GFRAL: variants seen among roughly 807,000 people sequenced by gnomAD.
GFRAL encodes GDNF family receptor alpha-like.
Under a neutral mutation model 45.4 loss-of-function variants are expected in GFRAL, and 36 were observed. The ratio of observed to expected loss-of-function variants is 0.79; its 90% confidence interval spans 0.61 to 1.05. The LOEUF (loss-of-function observed/expected upper bound fraction) is 1.05, where lower values mean the gene tolerates loss of function less well. GFRAL is among the 50% of genes least tolerant of loss of function. The pLI, the probability that GFRAL is intolerant of heterozygous loss-of-function variation, is 0.00. For synonymous variants in GFRAL, 166 were observed against 154.1 expected (o/e 1.08, Z -0.57); for missense variants, 507 against 467.5 (o/e 1.08, Z -0.78).
rs70986715 is a variant in GFRAL at position 55,397,524 on chromosome 6, CAAAAAAAAAA to C, written c.953-1639_953-1630del. Among the ~76,000 whole-genome samples, 16 of 67,422 alleles carry C rather than the reference CAAAAAAAAAA, an allele frequency of 2.4e-4. 1 individual carries two copies. Among genetic ancestry groups the C allele is most frequent in the African/African-American group, 8.2e-4 (15 of 18,248 alleles). The allele number at this position is 67,422 out of a possible 152,430, so 44.2% of individuals were successfully genotyped here. On this transcript the variant is annotated intron_variant, in intron 6 of 8. Transcript: ENST00000340465. ...TGGGCGACAGAGCGAGACTCCGTCT[CAAAAAAAAAA>C]AAAAAAAAAAAAAAAATGCCTTAAC...
At chr6:55,361,493 A>G (rs567302402) in intron 6 of GFRAL, among the ~76,000 whole-genome samples, 1 of 152,102 alleles carries the variant, frequency 6.6e-6, no homozygotes, top group South Asian at 2.1e-4. Flanking sequence ...TTATATTCAT[A>G]TTATATTTTA....
At chr6:55,374,346 T>C (rs1199032596) in intron 6 of GFRAL, among the ~76,000 whole-genome samples, 1 of 151,980 alleles carries the variant, frequency 6.6e-6, no homozygotes, top group East Asian at 1.9e-4. Context: ...AATGGTCGCA[T>C]GTTAGTTTTG....
intron 6 of GFRAL, among the ~76,000 whole-genome samples, chr6:55,380,759 A>G (rs1277895402): frequency 6.6e-6 from 1 of 151,998 alleles, no homozygotes; most frequent in African/African-American, 2.4e-5. Flanking sequence ...CCACTCAATA[A>G]GTAGTGAATG....
intron 6 of GFRAL, among the ~76,000 whole-genome samples, chr6:55,366,277 G>A (rs150490054): frequency 0.11 from 17,037 of 150,498 alleles, 1,042 homozygotes; most frequent in African/African-American, 0.16. Context: ...CTATGGGATC[G>A]GTAGTGACAT....
intron 8 of GFRAL, 104 bp downstream of exon 8, chr6:55,399,545 G>T (rs901285199): frequency 6.3e-6 from 5 of 795,990 alleles, no homozygotes; most frequent in African/African-American, 3.4e-5. Context: ...GAGAATGAAA[G>T]CTTCTCTGTT....
intron 6 of GFRAL, among the ~76,000 whole-genome samples, chr6:55,375,492 GA>G (rs1436724983): frequency 2.0e-5 from 3 of 152,104 alleles, no homozygotes; most frequent in Non-Finnish European, 4.4e-5. Flanking sequence ...AGACTTTGCT[GA>G]AGTTGCTTAT....
intron 5 of GFRAL, among the ~76,000 whole-genome samples, chr6:55,354,524 C>T (rs1050995746): frequency 1.3e-5 from 2 of 151,970 alleles, no homozygotes; most frequent in African/African-American, 2.4e-5. Flanking sequence ...TTTCCTTTCA[C>T]TATGTGCAAA....
chr6:55,380,790 A>G (rs1291916203), intron 6 of GFRAL, among the ~76,000 whole-genome samples: 1 of 152,134 alleles, frequency 6.6e-6, no homozygotes, highest in East Asian at 1.9e-4. Flanking sequence ...TAAATGAATG[A>G]AAGTCAACCA....
chr6:55,361,030 C>A (rs774351134), intron 6 of GFRAL, among the ~76,000 whole-genome samples: 1 of 151,898 alleles, frequency 6.6e-6, no homozygotes, highest in African/African-American at 2.4e-5. Context: ...CTTACTATAA[C>A]CTTTTCAGAG....
chr6:55,381,802 AG>A (rs1768611218), intron 6 of GFRAL, among the ~76,000 whole-genome samples: 1 of 151,964 alleles, frequency 6.6e-6, no homozygotes, highest in Admixed American at 6.6e-5. Flanking sequence ...GAATTGTGAA[AG>A]ACATTTCCCC....
chr6:55,399,861 A>G (rs1768873233), intron 8 of GFRAL, among the ~76,000 whole-genome samples: 1 of 152,142 alleles, frequency 6.6e-6, no homozygotes, highest in Admixed American at 6.5e-5. Context: ...TCACTCTAAT[A>G]TCTTATATGC....
intron 6 of GFRAL, among the ~76,000 whole-genome samples, chr6:55,375,140 T>G (rs150036714): frequency 0.015 from 2,317 of 152,222 alleles, 33 homozygotes; most frequent in Non-Finnish European, 0.025. Flanking sequence ...TTTAAATAGC[T>G]TTTTTCTAAT....
At chr6:55,400,061 A>AG (rs1339960830) in intron 8 of GFRAL, among the ~76,000 whole-genome samples, 1 of 152,096 alleles carries the variant, frequency 6.6e-6, no homozygotes, top group Admixed American at 6.5e-5. Context: ...ATATACATCA[A>AG]CCTCTAGATT....
At chr6:55,340,054 G>C (rs1767941279) in intron 3 of GFRAL, among the ~76,000 whole-genome samples, 2 of 152,116 alleles carry the variant, frequency 1.3e-5, no homozygotes, top group South Asian at 2.1e-4. Flanking sequence ...TATTCCCGAT[G>C]GACTTCGTAA....
chr6:55,363,095 T>G (rs967494564), intron 6 of GFRAL, among the ~76,000 whole-genome samples: 2 of 150,120 alleles, frequency 1.3e-5, no homozygotes, highest in Non-Finnish European at 3.0e-5. Flanking sequence ...AAACCTCTGT[T>G]TAGTAAATTC....
Position 55,399,194 on chromosome 6 carries a change from TC to T in GFRAL, c.968del (p.Ser323LeufsTer19). Reference sequence around the variant, plus strand: ...TTTTCTTTCAGATTATCCAACCCTGTCTAATGTCAAAGGCATGGCATTGTAT... The same window carrying T: ...TTTTCTTTCAGATTATCCAACCCTGTTAATGTCAAAGGCATGGCATTGTAT... ...RKSCFNYPTLSNVKGMALYTR... is the reference protein window; with the variant it reads ...RKSCFNYPTLXNVKGMALYTR... On this transcript the variant is annotated frameshift_variant, in exon 7 of 9. Coordinates refer to ENST00000340465, the MANE Select transcript of GFRAL (RefSeq NM_207410.2). LOFTEE classifies it high-confidence loss of function. 6.3e-7 allele frequency: 1 copy of T among 1,581,562 alleles called. No individual in the cohort carries two copies. The highest frequency in any genetic ancestry group is 1.4e-5 in the African/African-American group (1 of 73,966).
rs191123582 is a variant in GFRAL, at chr6:55,401,112, G to A, written c.1122-678G>A. 7.6e-4 allele frequency among the ~76,000 whole-genome samples: 116 copies of A among 152,084 alleles called. 1 individual carries two copies. Among genetic ancestry groups the A allele is most frequent in the Middle Eastern group, 6.8e-3 (2 of 292 alleles). On this transcript the variant is annotated intron_variant, in intron 8 of 8. Transcript: ENST00000340465. ...ATATCCCTTTTTTGGATGGCAGTGG[G>A]GGCATTATTATTATGGACAAATGTT... is the stretch of plus-strand genomic sequence containing the variant.
chr6:55,386,712 G>A (rs1180208278), intron 6 of GFRAL, among the ~76,000 whole-genome samples: 1 of 152,122 alleles, frequency 6.6e-6, no homozygotes, highest in African/African-American at 2.4e-5. Flanking sequence ...ATTCCCTCAA[G>A]AGAAGAGACA....
chr6:55,340,609 C>T (rs937638), intron 3 of GFRAL, among the ~76,000 whole-genome samples: 8,131 of 152,144 alleles, frequency 0.053, 866 homozygotes, highest in East Asian at 0.34. Context: ...ATGCAGAAGA[C>T]GAGTGATTTC....
Sources: allele counts gnomAD v4.1 joint callset (sites outside exome capture counted in the v4.1 genomes callset), GRCh38; gene constraint gnomAD v4.1.1; transcripts MANE v1.5; gene names NCBI Gene and HGNC (gene_info 2026-07-23, HGNC 2026-07-21).